Variants in CSMD1 observed in about 807,000 individuals in gnomAD.
CSMD1 encodes CUB and sushi domain-containing protein 1.
CSMD1 carries 213 observed loss-of-function variants against 417.5 expected under a neutral mutation model. That is an observed-to-expected ratio of 0.51 (90% CI 0.46 to 0.57). The LOEUF is 0.57. CSMD1 is among the 20% of genes least tolerant of loss of function. The pLI is 0.00. For synonymous variants in CSMD1, 2,862 were observed against 1,736.8 expected (o/e 1.65, Z -16.11); for missense variants, 6,923 against 4,529.7 (o/e 1.53, Z -15.17).
intron 17 of CSMD1, among the ~76,000 whole-genome samples, chr8:3,392,601 G>A (rs776212961): frequency 6.6e-6 from 1 of 151,962 alleles, no homozygotes; most frequent in Non-Finnish European, 1.5e-5. Flanking sequence ...TGGAGCCCGG[G>A]ATCTGCGTCT....
chr8:4,042,163 C>G (rs1797924526), intron 3 of CSMD1, among the ~76,000 whole-genome samples: 1 of 152,046 alleles, frequency 6.6e-6, no homozygotes, highest in African/African-American at 2.4e-5. Context: ...AAACAGTGAA[C>G]TCATAAATAC....
intron 3 of CSMD1, among the ~76,000 whole-genome samples, chr8:4,100,147 T>C (rs574868752): frequency 2.6e-5 from 4 of 152,166 alleles, no homozygotes; most frequent in Non-Finnish European, 5.9e-5. Context: ...AATACCTTGG[T>C]TTTTATGTGA....
At chr8:3,964,121 A>C (rs1042559914) in intron 5 of CSMD1, among the ~76,000 whole-genome samples, 1 of 152,226 alleles carries the variant, frequency 6.6e-6, no homozygotes, top group East Asian at 1.9e-4. Flanking sequence ...TCAGAAAAAA[A>C]AGTTTTGCGT....
intron 3 of CSMD1, among the ~76,000 whole-genome samples, chr8:4,408,650 G>C (rs937487917): frequency 3.9e-5 from 6 of 152,096 alleles, no homozygotes; most frequent in Non-Finnish European, 7.4e-5. Context: ...ATTTCAAGTT[G>C]ATCAATTAAA....
intron 1 of CSMD1, among the ~76,000 whole-genome samples, chr8:4,931,476 C>A (rs752927866): frequency 6.6e-6 from 1 of 152,150 alleles, no homozygotes; most frequent in Non-Finnish European, 1.5e-5. Context: ...TCTGTCCCAG[C>A]AATCATGGAA....
At chr8:3,091,749 G>C (rs573170635) in intron 47 of CSMD1, 87 bp from the exon 48 acceptor site, 23 of 1,167,068 alleles carry the variant, frequency 2.0e-5, no homozygotes, top group Admixed American at 5.4e-5. Flanking sequence ...TTACACTGGA[G>C]TCTACGTGTG....
chr8:4,154,195 C>T (rs1256656162), intron 3 of CSMD1, among the ~76,000 whole-genome samples: 2 of 152,114 alleles, frequency 1.3e-5, no homozygotes, highest in African/African-American at 4.8e-5. Flanking sequence ...GATGCCACAT[C>T]TATTCAGGAA....
intron 4 of CSMD1, among the ~76,000 whole-genome samples, chr8:4,006,939 T>A (rs1237500347): frequency 1.3e-5 from 2 of 148,608 alleles, no homozygotes; most frequent in Admixed American, 6.9e-5. Context: ...GCGATTCTCC[T>A]GCTTCAGACT....
intron 2 of CSMD1, among the ~76,000 whole-genome samples, chr8:4,635,489 G>C (rs1225032808): frequency 2.6e-5 from 4 of 151,958 alleles, no homozygotes; most frequent in African/African-American, 9.7e-5. Flanking sequence ...ATATATGAAA[G>C]AACTAGAGTA....
At chr8:3,649,932 T>C (rs1198847343) in intron 7 of CSMD1, among the ~76,000 whole-genome samples, 1 of 140,738 alleles carries the variant, frequency 7.1e-6, no homozygotes, top group African/African-American at 2.6e-5. Flanking sequence ...TAACTTAAAA[T>C]TACATATTCT....
At chr8:4,463,968 T>G in intron 2 of CSMD1, among the ~76,000 whole-genome samples, 1 of 152,126 alleles carries the variant, frequency 6.6e-6, no homozygotes, top group East Asian at 1.9e-4. Context: ...ATATGGGATA[T>G]TGAAATTCCA....
At position 3,297,111 on chromosome 8, in the gene CSMD1, C is replaced by G. The variant is rs140926991; in HGVS notation, c.3950+10584G>C. 6.8e-3 allele frequency among the ~76,000 whole-genome samples: 1,036 copies of G among 152,156 alleles called. 3 individuals are homozygous for G. Among genetic ancestry groups the G allele is most frequent in the Non-Finnish European group, 0.011 (765 of 67,988 alleles). On this transcript the variant is annotated intron_variant, in intron 25 of 69. Coordinates refer to ENST00000635120, the MANE Select transcript of CSMD1 (RefSeq NM_033225.6). ...AAGCATCCTAGAGCTGGAAATAATT[C>G]TAATAAAAAATGTGCAGGACTTTCA... is the stretch of plus-strand genomic sequence containing the variant.
Position 4,815,694 on chromosome 8 carries a change from C to CAA in CSMD1, c.86-178138_86-178137dup, listed in dbSNP as rs1218931391. Among the ~76,000 whole-genome samples the CAA allele has an allele frequency of 6.6e-3, 443 of 67,170 alleles. 2 individuals carry two copies. The highest frequency in any genetic ancestry group is 0.011 in the African/African-American group (206 of 18,678). The allele number at this position is 67,170 out of a possible 152,430, so 44.1% of individuals were successfully genotyped here. On this transcript the variant is annotated intron_variant, in intron 1 of 69. Coordinates refer to ENST00000635120, the MANE Select transcript of CSMD1 (RefSeq NM_033225.6). ...CTGGGCAACAAGACCAAAGCTGTCT[C>CAA]AAAAAAAAAAAAAAAAAAAAAAAAG... is the stretch of plus-strand genomic sequence containing the variant.
At chr8:3,881,624 A>C (rs1169060826) in intron 5 of CSMD1, among the ~76,000 whole-genome samples, 3 of 136,710 alleles carry the variant, frequency 2.2e-5, no homozygotes, top group African/African-American at 3.1e-5. Flanking sequence ...AAAAAAAAAC[A>C]AAAACAAAAA....
chr8:4,544,187 C>T (rs193196111), intron 2 of CSMD1, among the ~76,000 whole-genome samples: 91 of 152,176 alleles, frequency 6.0e-4, no homozygotes, highest in Non-Finnish European at 9.1e-4. Flanking sequence ...AAAACCATTG[C>T]CAAACCTAAA....
At chr8:3,031,892 C>A (rs1028561065) in intron 50 of CSMD1, among the ~76,000 whole-genome samples, 5 of 150,916 alleles carry the variant, frequency 3.3e-5, no homozygotes, top group Non-Finnish European at 7.4e-5. Context: ...ATGCTATACC[C>A]TCATTTATTG....
At chr8:3,998,644 C>T (rs1815414769) in intron 4 of CSMD1, among the ~76,000 whole-genome samples, 1 of 152,034 alleles carries the variant, frequency 6.6e-6, no homozygotes. Flanking sequence ...TAAAAAGGTT[C>T]TGAGTAGAAA....
chr8:3,680,591 C>T (rs911475195), intron 7 of CSMD1, among the ~76,000 whole-genome samples: 29 of 152,126 alleles, frequency 1.9e-4, no homozygotes, highest in Non-Finnish European at 3.1e-4. Flanking sequence ...GATTCACAGC[C>T]GATTTCTATC....
At chr8:3,445,216 G>A (rs1485484996) in intron 12 of CSMD1, among the ~76,000 whole-genome samples, 2 of 152,154 alleles carry the variant, frequency 1.3e-5, no homozygotes, top group African/African-American at 4.8e-5. Context: ...GAAGGAAAAG[G>A]AAGCCATTTT....
Sources: allele counts gnomAD v4.1 joint callset (sites outside exome capture counted in the v4.1 genomes callset), GRCh38; gene constraint gnomAD v4.1.1; transcripts MANE v1.5; gene names NCBI Gene and HGNC (gene_info 2026-07-23, HGNC 2026-07-21).